The following FRK variants were observed in gnomAD, a reference collection of about 807,000 sequenced individuals.
FRK encodes fyn related Src family tyrosine kinase.
A neutral mutation model predicts 56.4 loss-of-function variants in FRK; 51 were observed. That is an observed-to-expected ratio of 0.90 (90% CI 0.72 to 1.14). The LOEUF (loss-of-function observed/expected upper bound fraction) is 1.14, where lower values mean the gene tolerates loss of function less well. Ranked by LOEUF, FRK falls within the 50% of genes most tolerant of loss-of-function variation. FRK has a pLI of 0.00. For synonymous variants in FRK, 245 were observed against 217.9 expected, an observed-to-expected ratio of 1.12 and a Z score of -1.10; for missense variants, 570 against 601.4, an observed-to-expected ratio of 0.95 and a Z score of 0.55.
chr6:115,952,124 T>G lies in FRK; in HGVS notation c.958+4328A>C, dbSNP rs566770405. Among the ~76,000 whole-genome samples, 22 of 152,164 alleles carry G rather than the reference T, an allele frequency of 1.4e-4. No individual in the cohort carries two copies. The East Asian group carries it at 3.7e-3, about 25-fold the overall frequency. On this transcript the variant is annotated intron_variant, in intron 5 of 7. Transcript: ENST00000606080. ...GTAGGTTGCGAAAATTTTCTCCCAT[T>G]TTGTAGGTTGCTTGTTCACTCTGAT...
At chr6:116,006,309 A>T (rs1459659936) in intron 1 of FRK, among the ~76,000 whole-genome samples, 1 of 152,210 alleles carries the variant, frequency 6.6e-6, no homozygotes, top group Non-Finnish European at 1.5e-5. Flanking sequence ...TGGTATTAGT[A>T]ATATTACATA....
chr6:115,958,608 A>G (rs1322092480), intron 4 of FRK, among the ~76,000 whole-genome samples: 1 of 139,392 alleles, frequency 7.2e-6, no homozygotes, highest in Non-Finnish European at 1.5e-5. Flanking sequence ...AGCCTGGGAA[A>G]TAGAGTGAGA....
intron 2 of FRK, among the ~76,000 whole-genome samples, chr6:115,993,636 A>C (rs1386682457): frequency 6.6e-6 from 1 of 152,014 alleles, no homozygotes; most frequent in Non-Finnish European, 1.5e-5. Context: ...TATACAAATA[A>C]AAAAATTAAG....
chr6:116,047,946 T>C (rs1582756011), intron 1 of FRK, among the ~76,000 whole-genome samples: 2 of 152,258 alleles, frequency 1.3e-5, no homozygotes, highest in African/African-American at 2.4e-5. Flanking sequence ...AGAATGCAGA[T>C]GCAAGGAAGC....
At chr6:115,960,563 T>C (rs1455212303) in intron 4 of FRK, among the ~76,000 whole-genome samples, 2 of 140,078 alleles carry the variant, frequency 1.4e-5, no homozygotes, top group Non-Finnish European at 3.1e-5. Context: ...GAGGCCTGCC[T>C]GCCTCTGTAG....
intron 2 of FRK, among the ~76,000 whole-genome samples, chr6:115,986,733 G>T (rs1774411705): frequency 6.6e-6 from 1 of 152,194 alleles, no homozygotes; most frequent in South Asian, 2.1e-4. Flanking sequence ...TCTACTTTCT[G>T]AAAGAGAAAA....
At chr6:116,054,618 T>G (rs981412629) in intron 1 of FRK, among the ~76,000 whole-genome samples, 3 of 149,570 alleles carry the variant, frequency 2.0e-5, no homozygotes, top group Non-Finnish European at 4.4e-5. Context: ...TCTAAAATTA[T>G]AGTAAGTATA....
rs865843165 is a variant in FRK at position 115,958,778 on chromosome 6, A to G, written c.800-2168T>C. Among the ~76,000 whole-genome samples, 381 of 94,968 alleles carry G rather than the reference A, an allele frequency of 4.0e-3. 14 individuals carry two copies. The highest frequency in any genetic ancestry group is 0.014 in the African/African-American group (354 of 25,830). The allele number at this position is 94,968 out of a possible 152,430, so 62.3% of individuals were successfully genotyped here. On this transcript the variant is annotated intron_variant, in intron 4 of 7. Coordinates refer to ENST00000606080, the MANE Select transcript of FRK (RefSeq NM_002031.3). ...AAGAAAGAAAGAAAGAGGGGGGGGA[A>G]GGAGAGAGAGAAAGAAAGAAAAAGA...
chr6:116,080,236 A>C, the FRK span, among the ~76,000 whole-genome samples: 8 of 152,142 alleles, frequency 5.3e-5, no homozygotes, highest in East Asian at 3.9e-4. Flanking sequence ...GCTCACTGCA[A>C]CCTCCGAATC....
At chr6:116,080,652 C>T in the FRK span, among the ~76,000 whole-genome samples, 4 of 152,098 alleles carry the variant, frequency 2.6e-5, no homozygotes, top group African/African-American at 7.2e-5. Context: ...AAACTTTCCA[C>T]ACGTTAGAGA....
At chr6:115,989,828 G>A (rs1440958980) in intron 2 of FRK, among the ~76,000 whole-genome samples, 2 of 151,880 alleles carry the variant, frequency 1.3e-5, no homozygotes, top group Admixed American at 6.6e-5. Context: ...CAGTCAAATA[G>A]TAGGTCTATT....
intron 5 of FRK, among the ~76,000 whole-genome samples, chr6:115,955,831 ATTGTTGTT>A (rs1772963432): frequency 6.6e-6 from 1 of 152,152 alleles, no homozygotes; most frequent in South Asian, 2.1e-4. Context: ...ATTATACTGT[ATTGTTGTT>A]TACTAAATTA....
rs117203408 is a variant in FRK at position 116,050,504 on chromosome 6, T to C, written c.344+9464A>G. Among the ~76,000 whole-genome samples the C allele has an allele frequency of 2.6e-5, 4 of 152,302 alleles. No individual in the cohort carries two copies. In the East Asian group the frequency reaches 7.7e-4, roughly 29 times the overall value. On this transcript the variant is annotated intron_variant, in intron 1 of 7. Transcript: ENST00000606080. Reference sequence around the variant, plus strand: ...TAAAATCTCCCCAAAGTCACATCCCTAGATCTAATAGTGGGCCCTGTCTAA... The same window carrying C: ...TAAAATCTCCCCAAAGTCACATCCCCAGATCTAATAGTGGGCCCTGTCTAA...
intron 2 of FRK, among the ~76,000 whole-genome samples, chr6:115,974,441 C>T (rs1356620606): frequency 6.6e-6 from 1 of 152,050 alleles, no homozygotes; most frequent in Non-Finnish European, 1.5e-5. Flanking sequence ...CTGTAAAACC[C>T]AATGCTTGGC....
chr6:116,090,513 G>A, the FRK span, among the ~76,000 whole-genome samples: 65 of 152,314 alleles, frequency 4.3e-4, no homozygotes, highest in Middle Eastern at 6.8e-3. Context: ...TGAAATGGCC[G>A]CATGGTTTGA....
chr6:116,008,236 A>G (rs1775326466), intron 1 of FRK, among the ~76,000 whole-genome samples: 1 of 152,204 alleles, frequency 6.6e-6, no homozygotes, highest in African/African-American at 2.4e-5. Context: ...CAATTTTACT[A>G]CATTTGTAGA....
chr6:116,034,753 T>A (rs1189606379), intron 1 of FRK, among the ~76,000 whole-genome samples: 1 of 152,204 alleles, frequency 6.6e-6, no homozygotes, highest in Non-Finnish European at 1.5e-5. Context: ...GTGAGAAGTT[T>A]TACCCTGGAT....
At chr6:116,037,901 G>A (rs1401750078) in intron 1 of FRK, among the ~76,000 whole-genome samples, 3 of 152,152 alleles carry the variant, frequency 2.0e-5, no homozygotes, top group African/African-American at 7.2e-5. Flanking sequence ...AGGCCCAACT[G>A]AAGACACTTT....
chr6:115,938,721 G>A lies in FRK; in HGVS notation c.*3693C>T, dbSNP rs544942871. The A allele has an allele frequency of 6.6e-5, 10 of 152,230 alleles. No homozygotes were observed. The highest frequency in any genetic ancestry group is 1.9e-4 in the African/African-American group (8 of 41,546). 9.4% of individuals were successfully genotyped at this position (152,230 alleles called of 1,614,324 possible). ...CTAAGCAAATAAACTAGAAAATCTA[G>A]AAGAAATGGGTAAATTCCTGCAAAC... On this transcript the variant is annotated 3_prime_UTR_variant, in exon 8 of 8. Coordinates refer to ENST00000606080, the MANE Select transcript of FRK (RefSeq NM_002031.3).
Sources: allele counts gnomAD v4.1 joint callset (sites outside exome capture counted in the v4.1 genomes callset), GRCh38; gene constraint gnomAD v4.1.1; transcripts MANE v1.5; gene names NCBI Gene and HGNC (gene_info 2026-07-23, HGNC 2026-07-21).